The following MICAL3 variants were observed in gnomAD, a reference collection of about 807,000 sequenced individuals.
MICAL3 encodes microtubule associated monooxygenase, calponin and LIM domain containing 3.
MICAL3 carries 62 observed loss-of-function variants against 207.4 expected under a neutral mutation model. The ratio of observed to expected loss-of-function variants is 0.30; its 90% confidence interval spans 0.24 to 0.37. The LOEUF (loss-of-function observed/expected upper bound fraction) is 0.37. Ranked by LOEUF, MICAL3 falls within the 10% of genes least tolerant of loss-of-function variation. MICAL3 has a pLI of 1.00. For synonymous variants in MICAL3, 1,077 were observed against 1,069.3 expected (o/e 1.01, Z -0.14); for missense variants, 2,368 against 2,635.6 (o/e 0.90, Z 2.22).
chr22:17,899,618 G>A (rs193176226), intron 6 of MICAL3, 70 bp from the exon 7 acceptor site: 2 of 974,814 alleles, frequency 2.1e-6, no homozygotes, highest in African/African-American at 3.2e-5. Context: ...AGGCTGAAAG[G>A]TTACACACAG....
At chr22:17,823,852 A>C (rs142600104) in intron 22 of MICAL3, among the ~76,000 whole-genome samples, 392 of 152,352 alleles carry the variant, frequency 2.6e-3, no homozygotes, top group Admixed American at 7.8e-3. Flanking sequence ...CCGTTTCTTT[A>C]GCGAGAAGTC....
At position 17,896,972 on chromosome 22, in the gene MICAL3, C is replaced by T. The variant is rs529677185; in HGVS notation, c.958G>A (p.Asp320Asn). The T allele has an allele frequency of 4.2e-5, 67 of 1,611,766 alleles. No individual in the cohort carries two copies. Among genetic ancestry groups the T allele is most frequent in the Admixed American group, 8.4e-5 (5 of 59,880 alleles). ...DKGVILHDYA[D>N]TELLLSRENV... ...TCTCGGGAAAGCAGGAGCTCTGTGTCGGCGTAGTCCTGTCTCCAGAGAAAG... is the reference window on the plus strand; with the variant it reads ...TCTCGGGAAAGCAGGAGCTCTGTGTTGGCGTAGTCCTGTCTCCAGAGAAAG... Residue 320 changes from aspartate to asparagine, a missense_variant, in exon 8 of 32, where the codon GAC becomes AAC. Coordinates refer to ENST00000441493, the MANE Select transcript of MICAL3 (RefSeq NM_015241.3).
rs2061897684 is a variant in MICAL3 at position 17,798,263 on chromosome 22, T to C, written c.5651-6962A>G. Reference sequence around the variant, plus strand: ...TTTAGAATACCAGACTTTCAAGAGGTGGAGGCTGGCCCCACACCCTCCCTT... The same window carrying C: ...TTTAGAATACCAGACTTTCAAGAGGCGGAGGCTGGCCCCACACCCTCCCTT... On this transcript the variant is annotated intron_variant, in intron 29 of 31. Transcript: ENST00000441493. Among the ~76,000 whole-genome samples the C allele has an allele frequency of 2.0e-5, 3 of 152,188 alleles. 1 individual carries two copies. The highest frequency in any genetic ancestry group is 4.1e-4 in the South Asian group (2 of 4,836).
intron 8 of MICAL3, 83 bp from the exon 9 acceptor site, chr22:17,896,444 G>C: frequency 3.3e-6 from 3 of 905,858 alleles, no homozygotes; most frequent in Non-Finnish European, 5.3e-6. Context: ...CAAAGAGTTT[G>C]CTGTCGACAG....
At chr22:17,972,099 C>T (rs1386000571) in intron 1 of MICAL3, among the ~76,000 whole-genome samples, 1 of 152,224 alleles carries the variant, frequency 6.6e-6, no homozygotes, top group Non-Finnish European at 1.5e-5. Context: ...ACACTAAGAA[C>T]ACATGCTCAG....
intron 1 of MICAL3, chr22:18,006,218 T>C (rs1923375558): frequency 6.6e-6 from 1 of 152,170 alleles, no homozygotes; most frequent in Admixed American, 6.6e-5. Context: ...ACATGAAGTG[T>C]GTACTTAGTG....
chr22:18,001,833 G>C (rs906519028), intron 1 of MICAL3, among the ~76,000 whole-genome samples: 4 of 152,258 alleles, frequency 2.6e-5, no homozygotes, highest in Non-Finnish European at 5.9e-5. Flanking sequence ...GAAGCCACAT[G>C]AAGTGGCCAA....
At chr22:17,808,043 A>C (rs2062005816) in intron 29 of MICAL3, among the ~76,000 whole-genome samples, 2 of 152,382 alleles carry the variant, frequency 1.3e-5, no homozygotes, top group South Asian at 4.1e-4. Flanking sequence ...CTGGTCCTGC[A>C]GCTTCAAGGT....
intron 1 of MICAL3, among the ~76,000 whole-genome samples, chr22:17,976,585 A>T (rs1477649699): frequency 0.04 from 3,291 of 83,300 alleles, 255 homozygotes; most frequent in African/African-American, 0.1. Flanking sequence ...ATATATATAT[A>T]TATATTTTTT....
chr22:17,981,419 G>A (rs956951151), intron 1 of MICAL3, among the ~76,000 whole-genome samples: 4 of 151,972 alleles, frequency 2.6e-5, no homozygotes, highest in African/African-American at 9.7e-5. Flanking sequence ...CTGGACACTA[G>A]TTTCAAATAC....
chr22:17,830,171 C>T (rs768060917), intron 21 of MICAL3, among the ~76,000 whole-genome samples: 1 of 152,052 alleles, frequency 6.6e-6, no homozygotes, highest in Non-Finnish European at 1.5e-5. Context: ...CAGGGGGAGC[C>T]AGAGACCCAC....
chr22:17,809,357 C>T (rs750708812), intron 28 of MICAL3, among the ~76,000 whole-genome samples: 3 of 152,172 alleles, frequency 2.0e-5, no homozygotes, highest in Admixed American at 6.5e-5. Context: ...AACAGAAGGC[C>T]AGGCACGGTG....
intron 1 of MICAL3, among the ~76,000 whole-genome samples, chr22:18,020,691 C>G (rs1279695612): frequency 1.3e-5 from 2 of 148,758 alleles, no homozygotes; most frequent in Admixed American, 6.7e-5. Context: ...CTGAGGCAGG[C>G]AGATCACTTG....
At chr22:17,960,290 C>A (rs1934844135) in intron 1 of MICAL3, among the ~76,000 whole-genome samples, 1 of 152,234 alleles carries the variant, frequency 6.6e-6, no homozygotes, top group Non-Finnish European at 1.5e-5. Flanking sequence ...TCCTCTTCCC[C>A]TGTGTGTATG....
At chr22:17,812,851 C>T (rs926677491) in intron 27 of MICAL3, 11 of 152,162 alleles carry the variant, frequency 7.2e-5, no homozygotes, top group Admixed American at 6.5e-4. Context: ...CAAAACTCGC[C>T]TCATCTCACT....
intron 17 of MICAL3, among the ~76,000 whole-genome samples, chr22:17,871,506 C>T (rs5746486): frequency 0.46 from 70,624 of 152,118 alleles, 17,670 homozygotes; most frequent in African/African-American, 0.66. Context: ...AGTCCCCTTC[C>T]GTAAAGACAA....
At chr22:17,861,241 C>A (rs1469638137) in intron 19 of MICAL3, 12 of 985,442 alleles carry the variant, frequency 1.2e-5, no homozygotes, top group Non-Finnish European at 1.4e-5. Context: ...GAAAGGCCTG[C>A]ATTTCCTAAA....
At chr22:17,910,397 G>A (rs1932046826) in intron 1 of MICAL3, among the ~76,000 whole-genome samples, 1 of 152,176 alleles carries the variant, frequency 6.6e-6, no homozygotes, top group Non-Finnish European at 1.5e-5. Context: ...CAGAGGAACG[G>A]CTTCACTAAT....
chr22:17,899,554 GC>G lies in MICAL3; in HGVS notation c.848-7del. 6.3e-7 allele frequency: 1 copy of G among 1,575,280 alleles called. No homozygotes were observed. The highest frequency in any genetic ancestry group is 1.1e-5 in the South Asian group (1 of 87,300). On this transcript the variant is annotated splice_region_variant and splice_polypyrimidine_tract_variant and intron_variant, in intron 6 of 31. Transcript: ENST00000441493. Reference sequence around the variant, plus strand: ...GATGTTCTCCAAGTCAATACCTGGGGCCAGAAGACAAACGTGTGCATGTAAG... The same window carrying G: ...GATGTTCTCCAAGTCAATACCTGGGGCAGAAGACAAACGTGTGCATGTAAG...
Sources: allele counts gnomAD v4.1 joint callset (sites outside exome capture counted in the v4.1 genomes callset), GRCh38; gene constraint gnomAD v4.1.1; transcripts MANE v1.5; gene names NCBI Gene and HGNC (gene_info 2026-07-23, HGNC 2026-07-21).